ENPP3: variants seen among roughly 807,000 people sequenced by gnomAD.
The protein encoded by ENPP3 is ectonucleotide pyrophosphatase/phosphodiesterase family member 3.
In ENPP3, 104 loss-of-function variants were observed where a neutral mutation model predicts 117.8. The ratio of observed to expected loss-of-function variants is 0.88; its 90% CI spans 0.75 to 1.04. ENPP3 has a LOEUF of 1.04. ENPP3 is among the 50% of genes least tolerant of loss of function. ENPP3 has a pLI of 0.00. For missense variants in ENPP3, 1,026 were observed against 1,051.9 expected, an observed-to-expected ratio of 0.98 and a Z score of 0.34; for synonymous variants, 380 against 349.9, an observed-to-expected ratio of 1.09 and a Z score of -0.96.
At chr6:131,657,424 A>C (rs1255603957) in intron 5 of ENPP3, among the ~76,000 whole-genome samples, 1 of 152,202 alleles carries the variant, frequency 6.6e-6, no homozygotes, top group Non-Finnish European at 1.5e-5. Context: ...GTTAAACCAC[A>C]GGCTGTCTTA....
Position 131,718,677 on chromosome 6 carries a change from A to G in ENPP3, c.1418A>G (p.Lys473Arg), listed in dbSNP as rs138522092. 49 of 1,578,898 alleles carry G rather than the reference A, an allele frequency of 3.1e-5. No homozygotes were observed. The African/African-American group carries it at 6.6e-4, about 21-fold the overall frequency. The part of the protein sequence containing the change: ...VDQQWLAVRS[K>R]SNTNCGGGNH... ...ATAATATTTTTTCTTTATAGGAGTA[A>G]ATCAAATACAAATTGTGGAGGAGGC... The change falls in exon 16 of 25, where the codon AAA becomes AGA. Residue 473 changes from lysine (K) to arginine (R), a missense_variant. Lys to Arg is a conservative substitution (Grantham distance 26). Coordinates refer to ENST00000357639, the MANE Select transcript of ENPP3 (RefSeq NM_005021.5).
At chr6:131,731,229 T>G (rs941726856) in intron 20 of ENPP3, among the ~76,000 whole-genome samples, 1 of 152,194 alleles carries the variant, frequency 6.6e-6, no homozygotes, top group Non-Finnish European at 1.5e-5. Context: ...TATTCCCCAG[T>G]GTCTAGTGGT....
intron 3 of ENPP3, among the ~76,000 whole-genome samples, chr6:131,651,816 C>T (rs971906634): frequency 6.6e-6 from 1 of 152,136 alleles, no homozygotes; most frequent in South Asian, 2.1e-4. Flanking sequence ...TCTTCTGTTT[C>T]TATGTAAATG....
At chr6:131,650,488 G>T (rs142583304) in intron 3 of ENPP3, among the ~76,000 whole-genome samples, 3,800 of 152,272 alleles carry the variant, frequency 0.025, 64 homozygotes, top group Non-Finnish European at 0.038. Context: ...CTCCCAAAGT[G>T]CTGGGATTAT....
At chr6:131,664,731 A>G (rs1042515353) in intron 6 of ENPP3, among the ~76,000 whole-genome samples, 20 of 152,192 alleles carry the variant, frequency 1.3e-4, no homozygotes, top group African/African-American at 4.6e-4. Flanking sequence ...CTGTGTTACA[A>G]TTGCTTACAG....
At chr6:131,732,731 T>A (rs1248676594) in intron 20 of ENPP3, among the ~76,000 whole-genome samples, 2 of 144,318 alleles carry the variant, frequency 1.4e-5, no homozygotes, top group East Asian at 4.0e-4. Flanking sequence ...TTATTATTAT[T>A]ATTATTATTA....
chr6:131,670,695 G>A (rs1288508616), intron 6 of ENPP3, among the ~76,000 whole-genome samples: 1 of 152,012 alleles, frequency 6.6e-6, no homozygotes, highest in Non-Finnish European at 1.5e-5. Context: ...GTTTCATTGT[G>A]TTGCTCAGGT....
At chr6:131,662,522 A>T (rs1008194928) in intron 6 of ENPP3, among the ~76,000 whole-genome samples, 1 of 152,284 alleles carries the variant, frequency 6.6e-6, no homozygotes, top group Admixed American at 6.5e-5. Context: ...GGTGTGAGCC[A>T]CTGTGCCCAG....
chr6:131,676,154 C>A (rs998363737), intron 9 of ENPP3, among the ~76,000 whole-genome samples: 4 of 152,032 alleles, frequency 2.6e-5, no homozygotes, highest in Non-Finnish European at 5.9e-5. Flanking sequence ...TGCCTTCCAG[C>A]TCTGTTGAAA....
intron 8 of ENPP3, among the ~76,000 whole-genome samples, chr6:131,674,794 T>A (rs1778830479): frequency 6.6e-6 from 1 of 151,952 alleles, no homozygotes; most frequent in Non-Finnish European, 1.5e-5. Flanking sequence ...ATGATCTCTA[T>A]CTCCTGACCT....
In ENPP3 at chr6:131,746,852, G is replaced by A. The variant is rs1261665857; in HGVS notation, c.2524G>A (p.Val842Ile). Residue 842 changes from valine to isoleucine, a missense_variant, in exon 25 of 25, where the codon GTA (valine) becomes ATA (isoleucine). Transcript: ENST00000357639. ...AGCTCACATTGCCCGGGTCCGTGAT[G>A]TAGAACTTCTCACTGGGCTTGACTT... ...FTAHIARVRD[V>I]ELLTGLDFYQ... The A allele has an allele frequency of 1.9e-6, 3 of 1,613,448 alleles. No homozygotes were observed. Among genetic ancestry groups the A allele is most frequent in the Non-Finnish European group, 1.7e-6 (2 of 1,179,736 alleles).
chr6:131,740,517 T>A, intron 24 of ENPP3, 137 bp downstream of exon 24: 1 of 554,906 alleles, frequency 1.8e-6, no homozygotes, highest in South Asian at 4.0e-5. Context: ...GACTTCATTT[T>A]TAGGCTTTTC....
At chr6:131,693,020 TTATA>T (rs1208733714) in intron 14 of ENPP3, among the ~76,000 whole-genome samples, 4 of 144,974 alleles carry the variant, frequency 2.8e-5, no homozygotes, top group Non-Finnish European at 4.5e-5. Flanking sequence ...ATATATATGG[TTATA>T]TATGATATAT....
chr6:131,729,647 C>T (rs3800200), intron 20 of ENPP3, among the ~76,000 whole-genome samples: 4 of 151,814 alleles, frequency 2.6e-5, no homozygotes, highest in South Asian at 2.1e-4. Flanking sequence ...GTGTTGGAGG[C>T]GGGGTGGTGG....
chr6:131,706,878 ATG>A (rs1338880272), intron 15 of ENPP3, among the ~76,000 whole-genome samples: 6 of 151,810 alleles, frequency 4.0e-5, no homozygotes, highest in Non-Finnish European at 7.4e-5. Flanking sequence ...ATATGTATAT[ATG>A]TGTGTGTGTG....
intron 6 of ENPP3, among the ~76,000 whole-genome samples, chr6:131,666,022 C>T (rs941735761): frequency 2.2e-4 from 33 of 151,388 alleles, no homozygotes; most frequent in African/African-American, 8.0e-4. Flanking sequence ...TTCAGTTTTC[C>T]CTGTAATATA....
intron 24 of ENPP3, among the ~76,000 whole-genome samples, chr6:131,744,194 T>C (rs1780586212): frequency 6.6e-6 from 1 of 152,258 alleles, no homozygotes; most frequent in Non-Finnish European, 1.5e-5. Context: ...CTTATTTATT[T>C]TGTCCTTTCC....
intron 14 of ENPP3, among the ~76,000 whole-genome samples, chr6:131,692,968 T>C (rs1434279577): frequency 2.1e-5 from 3 of 143,860 alleles, no homozygotes; most frequent in Non-Finnish European, 4.5e-5. Context: ...ATATGATATA[T>C]AGTTATATAT....
At chr6:131,683,852 G>T (rs1333112819) in intron 12 of ENPP3, among the ~76,000 whole-genome samples, 2 of 149,260 alleles carry the variant, frequency 1.3e-5, no homozygotes, top group Non-Finnish European at 2.9e-5. Flanking sequence ...CCGAGTTCAT[G>T]CCATTCTCCT....
Sources: gnomAD v4.1 joint callset for allele counts (sites outside exome capture counted in the v4.1 genomes callset) on GRCh38, gnomAD v4.1.1 for gene constraint, MANE v1.5 for transcripts, NCBI Gene and HGNC (gene_info 2026-07-23, HGNC 2026-07-21) for gene names.